GALNT16: variants seen among roughly 807,000 people sequenced by gnomAD.
The protein encoded by GALNT16 is polypeptide N-acetylgalactosaminyltransferase 16.
Under a neutral mutation model 76.1 loss-of-function variants are expected in GALNT16, and 40 were observed. The observed-to-expected ratio is 0.53, with a 90% confidence interval of 0.41 to 0.68. The LOEUF (loss-of-function observed/expected upper bound fraction) is 0.68. GALNT16 is among the 30% of genes least tolerant of loss of function. The pLI is 0.00. For synonymous variants in GALNT16, 276 were observed against 285.2 expected (o/e 0.97, Z 0.32); for missense variants, 621 against 731.9 (o/e 0.85, Z 1.75).
intron 10 of GALNT16, 133 bp downstream of exon 10, chr14:69,338,910 C>T (rs2045448522): frequency 2.9e-6 from 2 of 679,858 alleles, no homozygotes; most frequent in East Asian, 2.8e-5. Flanking sequence ...CATTTGCCCC[C>T]TCTGGTAACA....
chr14:69,316,775 GA>G (rs1487644338), intron 1 of GALNT16, among the ~76,000 whole-genome samples: 20 of 86,694 alleles, frequency 2.3e-4, no homozygotes, highest in South Asian at 5.0e-4. Context: ...TGTAGTCTGT[GA>G]GGGGGGGGGG....
intron 14 of GALNT16, chr14:69,351,228 A>G (rs2045633111): frequency 6.6e-6 from 1 of 152,320 alleles, no homozygotes; most frequent in South Asian, 2.1e-4. Flanking sequence ...TACCTAGGCC[A>G]GGACTGACAA....
intron 1 of GALNT16, among the ~76,000 whole-genome samples, chr14:69,302,702 G>T (rs1467472599): frequency 2.0e-5 from 3 of 152,014 alleles, no homozygotes; most frequent in Non-Finnish European, 2.9e-5. Flanking sequence ...GGACATATAG[G>T]GTGACCAGAT....
At chr14:69,325,195 A>G in intron 3 of GALNT16, 142 bp from the exon 4 acceptor site, 1 of 660,534 alleles carries the variant, frequency 1.5e-6, no homozygotes, top group Admixed American at 2.4e-5. Flanking sequence ...ATGAACTTAG[A>G]CAAGAATAGG....
Position 69,333,263 on chromosome 14 carries a change from T to C in GALNT16, c.863+94T>C, listed in dbSNP as rs2045378583. 1 of 838,642 alleles carries C rather than the reference T, an allele frequency of 1.2e-6. No individual in the cohort carries two copies. Among genetic ancestry groups the C allele is most frequent in the Non-Finnish European group, 1.9e-6 (1 of 522,806 alleles). 52.0% of individuals were successfully genotyped at this position (838,642 alleles called of 1,614,324 possible). On this transcript the variant is annotated intron_variant, in intron 8 of 14. Transcript: ENST00000448469. The surrounding 1 kb of genome is among the most constrained non-coding windows in gnomAD (Gnocchi z 4.2). ...AGGCTGTATCGGTCGCTTGGGCTCCTGAGGCGCACTAAGTGCTGACTCTGT... is the reference window on the plus strand; with the variant it reads ...AGGCTGTATCGGTCGCTTGGGCTCCCGAGGCGCACTAAGTGCTGACTCTGT...
the GALNT16 span, among the ~76,000 whole-genome samples, chr14:69,381,352 A>G: frequency 6.6e-6 from 1 of 152,256 alleles, no homozygotes; most frequent in African/African-American, 2.4e-5. Flanking sequence ...AAAAACATGT[A>G]CTGGCAACAA....
At chr14:69,351,972 T>A (rs1316095902) in intron 14 of GALNT16, 59 bp from the exon 15 acceptor site, 1 of 1,499,646 alleles carries the variant, frequency 6.7e-7, no homozygotes, top group Non-Finnish European at 9.1e-7. Flanking sequence ...AAGTACAACA[T>A]TATTTTTTTA....
chr14:69,333,329 G>A lies in GALNT16; in HGVS notation c.863+160G>A. 1 of 698,240 alleles carries A rather than the reference G, an allele frequency of 1.4e-6. No homozygotes were observed. Among genetic ancestry groups the A allele is most frequent in the Non-Finnish European group, 2.5e-6 (1 of 394,578 alleles). 43.3% of individuals were successfully genotyped at this position (698,240 alleles called of 1,614,324 possible). A position where few individuals can be genotyped will look rare whatever the true frequency, so the allele number is the denominator to read the frequency against. Reference sequence around the variant, plus strand: ...CCTGTATGCAGGGACAGCGAGGACAGAGGCCACGGGAACAGATGTGGGGGG... The same window carrying A: ...CCTGTATGCAGGGACAGCGAGGACAAAGGCCACGGGAACAGATGTGGGGGG... On this transcript the variant is annotated intron_variant, in intron 8 of 14. Transcript: ENST00000448469. This position sits in a 1 kb window ranked among gnomAD's most constrained non-coding sequence, Gnocchi z 4.2.
At chr14:69,375,103 TTA>T in the GALNT16 span, among the ~76,000 whole-genome samples, 5 of 152,348 alleles carry the variant, frequency 3.3e-5, no homozygotes, top group African/African-American at 1.2e-4. Context: ...TTTAGGATTG[TTA>T]TGTCTCTTGA....
At chr14:69,375,797 CTAA>C in the GALNT16 span, among the ~76,000 whole-genome samples, 2 of 152,186 alleles carry the variant, frequency 1.3e-5, no homozygotes, top group African/African-American at 4.8e-5. Flanking sequence ...CCACATCTGG[CTAA>C]TGTTTAAATT....
At chr14:69,311,116 T>C (rs1488491073) in intron 1 of GALNT16, among the ~76,000 whole-genome samples, 1 of 152,156 alleles carries the variant, frequency 6.6e-6, no homozygotes, top group Admixed American at 6.5e-5. Context: ...GGGTGGCTTA[T>C]AAACAACAGA....
At position 69,339,512 on chromosome 14, in the gene GALNT16, TTCCTC is replaced by T. The variant is rs1452059892; in HGVS notation, c.1095-10_1095-6del. ...TTCCCTGGTGACCTTATTTTGCTCT[TTCCTC>T]TCCTTTTAGGAATACTAAGCGCACT... On this transcript the variant is annotated splice_polypyrimidine_tract_variant and intron_variant, in intron 10 of 14. Coordinates refer to ENST00000448469, the MANE Select transcript of GALNT16 (RefSeq NM_001168368.2). 1.9e-6 allele frequency: 3 copies of T among 1,554,454 alleles called. No homozygotes were observed. The highest frequency in any genetic ancestry group is 2.7e-5 in the African/African-American group (2 of 73,720).
chr14:69,338,439 ATATG>A (rs1226221807), intron 9 of GALNT16, among the ~76,000 whole-genome samples: 1 of 152,154 alleles, frequency 6.6e-6, no homozygotes, highest in Non-Finnish European at 1.5e-5. Context: ...GATCATGTGT[ATATG>A]TGTGTGTGTG....
At chr14:69,374,239 CTT>C in the GALNT16 span, among the ~76,000 whole-genome samples, 1 of 152,190 alleles carries the variant, frequency 6.6e-6, no homozygotes, top group Non-Finnish European at 1.5e-5. Flanking sequence ...TGTGAGTAGT[CTT>C]TCAGTGTTAT....
At chr14:69,281,371 T>C (rs1055412768) in intron 1 of GALNT16, among the ~76,000 whole-genome samples, 4 of 152,218 alleles carry the variant, frequency 2.6e-5, no homozygotes, top group African/African-American at 9.6e-5. Context: ...TCTGGGCTCC[T>C]AACCACACAG....
intron 9 of GALNT16, among the ~76,000 whole-genome samples, chr14:69,334,978 G>A (rs1356434210): frequency 6.6e-6 from 1 of 152,138 alleles, no homozygotes; most frequent in South Asian, 2.1e-4. Context: ...CTGACCAGGT[G>A]TTCTGAGCAA....
At chr14:69,379,225 C>G in the GALNT16 span, among the ~76,000 whole-genome samples, 1 of 152,200 alleles carries the variant, frequency 6.6e-6, no homozygotes, top group African/African-American at 2.4e-5. Context: ...TAGGCGTGAG[C>G]CACCGCACCC....
chr14:69,286,332 C>T (rs977985622), intron 1 of GALNT16, among the ~76,000 whole-genome samples: 1 of 146,002 alleles, frequency 6.8e-6, no homozygotes, highest in African/African-American at 2.6e-5. Context: ...GATGAAGTCT[C>T]GCTATTGTAG....
At chr14:69,316,644 G>A in intron 1 of GALNT16, among the ~76,000 whole-genome samples, 1 of 152,134 alleles carries the variant, frequency 6.6e-6, no homozygotes. Context: ...CTACACAGAG[G>A]AGCCTTCCAC....
Sources: gnomAD v4.1 joint callset for allele counts (sites outside exome capture counted in the v4.1 genomes callset) on GRCh38, gnomAD v4.1.1 for gene constraint, Gnocchi (gnomAD v3.1) non-coding constraint, MANE v1.5 for transcripts, NCBI Gene and HGNC (gene_info 2026-07-23, HGNC 2026-07-21) for gene names.